CNTN4: variants seen among roughly 807,000 people sequenced by gnomAD.
The protein encoded by CNTN4 is contactin 4.
In CNTN4, 77 loss-of-function variants were observed where a neutral mutation model predicts 122.5. The ratio of observed to expected loss-of-function variants is 0.63; its 90% CI spans 0.52 to 0.76. The LOEUF is 0.76. Ranked by LOEUF, CNTN4 falls within the 30% of genes least tolerant of loss-of-function variation. The pLI is 0.00. For synonymous variants in CNTN4, 512 were observed against 447.0 expected, an observed-to-expected ratio of 1.15 and a Z score of -1.83; for missense variants, 1,256 against 1,259.1, an observed-to-expected ratio of 1.00 and a Z score of 0.04.
intron 4 of CNTN4, among the ~76,000 whole-genome samples, chr3:2,669,516 A>G (rs1402380642): frequency 6.6e-6 from 1 of 151,948 alleles, no homozygotes; most frequent in Non-Finnish European, 1.5e-5. Flanking sequence ...CAGTCTATCA[A>G]TTTTGTTGAT....
chr3:2,313,482 TA>T (rs1164341973), intron 2 of CNTN4, among the ~76,000 whole-genome samples: 2 of 151,994 alleles, frequency 1.3e-5, no homozygotes, highest in Admixed American at 1.3e-4. Context: ...TAAGCAATTT[TA>T]TGGTAAAAAA....
At chr3:2,295,001 A>G (rs1405565955) in intron 2 of CNTN4, among the ~76,000 whole-genome samples, 7 of 152,118 alleles carry the variant, frequency 4.6e-5, no homozygotes, top group African/African-American at 7.2e-5. Context: ...TACAAAGGAC[A>G]TGAACTCATC....
At chr3:2,926,727 G>C (rs1291518472) in intron 13 of CNTN4, among the ~76,000 whole-genome samples, 1 of 152,192 alleles carries the variant, frequency 6.6e-6, no homozygotes, top group Admixed American at 6.5e-5. Context: ...GATGATGATG[G>C]TGTTGTCCAT....
rs562720624 is a variant in CNTN4 at position 2,816,321 on chromosome 3, T to G, written c.359-3165T>G. Among the ~76,000 whole-genome samples, 142 of 149,396 alleles carry G rather than the reference T, an allele frequency of 9.5e-4. 6 individuals are homozygous for G. Among genetic ancestry groups the G allele is most frequent in the Middle Eastern group, 6.8e-3 (2 of 294 alleles). On this transcript the variant is annotated intron_variant, in intron 6 of 24. Transcript: ENST00000418658. ...ATGAGCCGAGATCGTGGCACTGCAC[T>G]CCAGCCTGGGCGACAGAGCGAGACT...
chr3:2,501,170 A>G (rs1169108786), intron 3 of CNTN4, among the ~76,000 whole-genome samples: 1 of 152,158 alleles, frequency 6.6e-6, no homozygotes, highest in Non-Finnish European at 1.5e-5. Flanking sequence ...GAGGATAGAC[A>G]TGTCCCTATA....
Position 2,163,260 on chromosome 3 carries a change from C to G in CNTN4, c.-145+62621C>G, listed in dbSNP as rs1194082684. Among the ~76,000 whole-genome samples the G allele has an allele frequency of 2.0e-5, 3 of 152,140 alleles. No individual in the cohort carries two copies. In the South Asian group the frequency reaches 6.2e-4, roughly 32 times the overall value. ...AAAAGCATAAAGTGAGGAAAAGACA[C>G]CTTATTCAATAAATGGTGCAGGGAA... is the stretch of plus-strand genomic sequence containing the variant. On this transcript the variant is annotated intron_variant, in intron 2 of 24. Transcript: ENST00000418658.
chr3:2,312,037 G>T (rs561373569), intron 2 of CNTN4, among the ~76,000 whole-genome samples: 3 of 151,792 alleles, frequency 2.0e-5, no homozygotes, highest in Non-Finnish European at 4.4e-5. Context: ...TTTTTGATAC[G>T]ATAAAACTTT....
At chr3:2,133,861 A>G (rs1397119414) in intron 2 of CNTN4, among the ~76,000 whole-genome samples, 3 of 152,176 alleles carry the variant, frequency 2.0e-5, no homozygotes, top group Non-Finnish European at 4.4e-5. Flanking sequence ...TGATTTATTA[A>G]GAGTCATTTT....
chr3:2,370,359 T>C (rs1164671904), intron 3 of CNTN4, among the ~76,000 whole-genome samples: 2 of 152,244 alleles, frequency 1.3e-5, no homozygotes, highest in South Asian at 2.1e-4. Flanking sequence ...TGTCATACTT[T>C]GGTTTTCCTG....
chr3:2,148,942 CTGTGTGTGTG>C (rs59161687), intron 2 of CNTN4, among the ~76,000 whole-genome samples: 7 of 149,150 alleles, frequency 4.7e-5, no homozygotes, highest in Middle Eastern at 3.4e-3. Context: ...ACTACCGTGA[CTGTGTGTGTG>C]TGTGTGTGTG....
chr3:2,389,086 G>GGGA (rs1228374622), intron 3 of CNTN4, among the ~76,000 whole-genome samples: 1 of 151,946 alleles, frequency 6.6e-6, no homozygotes, highest in Non-Finnish European at 1.5e-5. Flanking sequence ...TCTTGAACCT[G>GGGA]GGAGGGGGAG....
chr3:2,885,242 G>T (rs982605522), intron 9 of CNTN4, among the ~76,000 whole-genome samples: 1 of 152,170 alleles, frequency 6.6e-6, no homozygotes, highest in Non-Finnish European at 1.5e-5. Context: ...AAAAGCTGTG[G>T]TTAGCTCACT....
intron 4 of CNTN4, among the ~76,000 whole-genome samples, chr3:2,583,382 T>A (rs1167355625): frequency 6.6e-6 from 1 of 152,240 alleles, no homozygotes; most frequent in African/African-American, 2.4e-5. Context: ...CAAGTTCACA[T>A]GGCTAAGTGC....
At chr3:2,398,148 A>G (rs1452772442) in intron 3 of CNTN4, among the ~76,000 whole-genome samples, 1 of 152,178 alleles carries the variant, frequency 6.6e-6, no homozygotes, top group Admixed American at 6.5e-5. Context: ...GGTGTGATAT[A>G]TTAGCATTTG....
chr3:2,885,250 A>G (rs909699951), intron 9 of CNTN4, among the ~76,000 whole-genome samples: 3 of 152,244 alleles, frequency 2.0e-5, no homozygotes, highest in Non-Finnish European at 4.4e-5. Context: ...TGGTTAGCTC[A>G]CTAAACCATT....
Position 2,130,757 on chromosome 3 carries a change from C to T in CNTN4, c.-145+30118C>T, listed in dbSNP as rs181618316. On this transcript the variant is annotated intron_variant, in intron 2 of 24. Coordinates refer to ENST00000418658, the MANE Select transcript of CNTN4 (RefSeq NM_175607.3). The stretch of plus-strand genomic sequence containing the variant: ...AAACAGGTTTTTTGAATAATAGTAA[C>T]TTACATATCTATAGTCTCTTATCTG... Among the ~76,000 whole-genome samples, 53 of 152,246 alleles carry T rather than the reference C, an allele frequency of 3.5e-4. No homozygotes were observed. In the East Asian group the frequency reaches 8.7e-3, roughly 25 times the overall value.
intron 4 of CNTN4, among the ~76,000 whole-genome samples, chr3:2,727,688 T>C (rs957032746): frequency 5.3e-5 from 8 of 152,164 alleles, no homozygotes; most frequent in Admixed American, 5.2e-4. Context: ...TACAAACGAT[T>C]AGGGCTTCAT....
chr3:2,436,209 A>G lies in CNTN4; in HGVS notation c.-89+96976A>G, dbSNP rs189190897. Among the ~76,000 whole-genome samples the G allele has an allele frequency of 2.1e-3, 317 of 152,268 alleles. 1 individual carries two copies. The highest frequency in any genetic ancestry group is 7.2e-3 in the African/African-American group (300 of 41,554). On this transcript the variant is annotated intron_variant, in intron 3 of 24. Transcript: ENST00000418658. ...TGCATACCTATTATGAGCCAGGCAA[A>G]AATGTGGTTCAGGGTTGTAGATTCA...
chr3:2,122,912 G>T (rs913631816), intron 2 of CNTN4, among the ~76,000 whole-genome samples: 9 of 152,120 alleles, frequency 5.9e-5, no homozygotes, highest in Non-Finnish European at 2.9e-5. Flanking sequence ...ATCCTTTCCA[G>T]TTATAAGAGC....
Sources: allele counts gnomAD v4.1 joint callset (sites outside exome capture counted in the v4.1 genomes callset), GRCh38; gene constraint gnomAD v4.1.1; transcripts MANE v1.5; gene names NCBI Gene and HGNC (gene_info 2026-07-23, HGNC 2026-07-21).